The following CTNNA2 variants were observed in gnomAD, a reference collection of about 807,000 sequenced individuals.
The protein encoded by CTNNA2 is catenin alpha 2.
A neutral mutation model predicts 101.0 loss-of-function variants in CTNNA2; 42 were observed. The observed-to-expected ratio is 0.42, with a 90% CI of 0.32 to 0.54. The LOEUF is 0.54. CTNNA2 is among the 20% of genes least tolerant of loss of function. The pLI is 0.14. For missense variants in CTNNA2, 871 were observed against 1,223.1 expected, an observed-to-expected ratio of 0.71 and a Z score of 4.29; for synonymous variants, 450 against 456.4, an observed-to-expected ratio of 0.99 and a Z score of 0.18.
Position 79,850,089 on chromosome 2 carries a change from G to A in CTNNA2, c.299-7924G>A, listed in dbSNP as rs566538231. 5.4e-5 allele frequency among the ~76,000 whole-genome samples: 8 copies of A among 149,384 alleles called. No homozygotes were observed. In the South Asian group the frequency reaches 1.2e-3, roughly 23 times the overall value. ...AATCATCCCTAACATGTGACAATAA[G>A]GAGTGGTGGAGGCTGGGAATAATTG... is the stretch of plus-strand genomic sequence containing the variant. On this transcript the variant is annotated intron_variant, in intron 3 of 18. Transcript: ENST00000402739.
intron 3 of CTNNA2, among the ~76,000 whole-genome samples, chr2:79,790,395 A>G (rs982092917): frequency 6.6e-6 from 1 of 152,234 alleles, no homozygotes; most frequent in East Asian, 1.9e-4. Context: ...GCCAGTTAAG[A>G]GAATAATTGG....
chr2:80,323,823 G>A (rs1460877299), intron 7 of CTNNA2, among the ~76,000 whole-genome samples: 1 of 152,104 alleles, frequency 6.6e-6, no homozygotes, highest in East Asian at 1.9e-4. Flanking sequence ...ACCACTAGGG[G>A]TGGGTGGAGC....
chr2:80,139,085 CTCA>C (rs959416249), intron 7 of CTNNA2, among the ~76,000 whole-genome samples: 1 of 152,120 alleles, frequency 6.6e-6, no homozygotes, highest in African/African-American at 2.4e-5. Context: ...AAGTATTGTT[CTCA>C]TCATGATTAT....
intron 7 of CTNNA2, among the ~76,000 whole-genome samples, chr2:80,103,450 C>T (rs1018873216): frequency 6.6e-6 from 1 of 152,150 alleles, no homozygotes; most frequent in Non-Finnish European, 1.5e-5. Context: ...TAAGCCCTGT[C>T]CCTAAATGCA....
rs1401628983 is a variant in CTNNA2, at chr2:79,782,830, A to G, written c.298+38248A>G. On this transcript the variant is annotated intron_variant, in intron 3 of 18. Coordinates refer to ENST00000402739, the MANE Select transcript of CTNNA2 (RefSeq NM_001282597.3). ...AGGGGAAGAGTGCAAATCCATTTCC[A>G]AAAAAAAGGGAAGAAATTGACAGCC... 2.0e-5 allele frequency among the ~76,000 whole-genome samples: 3 copies of G among 151,822 alleles called. No individual in the cohort carries two copies. The South Asian group carries it at 6.2e-4, about 32-fold the overall frequency.
intron 3 of CTNNA2, among the ~76,000 whole-genome samples, chr2:79,768,315 A>G (rs1300551307): frequency 6.6e-6 from 1 of 150,612 alleles, no homozygotes; most frequent in African/African-American, 2.4e-5. Flanking sequence ...GTCTCATAGT[A>G]CCTGGTTTTA....
intron 7 of CTNNA2, among the ~76,000 whole-genome samples, chr2:80,350,010 C>T (rs1295274735): frequency 6.6e-6 from 1 of 152,080 alleles, no homozygotes; most frequent in Non-Finnish European, 1.5e-5. Context: ...TTAACAGCAA[C>T]AATAAATTCT....
chr2:79,749,929 G>A (rs985281872), intron 3 of CTNNA2, among the ~76,000 whole-genome samples: 51 of 152,186 alleles, frequency 3.4e-4, no homozygotes, highest in African/African-American at 1.2e-3. Context: ...TGATTAGTGA[G>A]CAAGTCCCGG....
intron 1 of CTNNA2, among the ~76,000 whole-genome samples, chr2:79,516,693 T>C (rs1462438452): frequency 6.6e-6 from 1 of 152,126 alleles, no homozygotes; most frequent in Non-Finnish European, 1.5e-5. Context: ...TAAAGCCCCA[T>C]CCTGAGACAT....
intron 7 of CTNNA2, among the ~76,000 whole-genome samples, chr2:80,000,821 G>A (rs1013933839): frequency 6.6e-6 from 1 of 152,184 alleles, no homozygotes; most frequent in Admixed American, 6.6e-5. Context: ...TGTTGAAAGA[G>A]AACTTAGGCT....
At chr2:80,047,191 C>T (rs940747742) in intron 7 of CTNNA2, among the ~76,000 whole-genome samples, 8 of 152,284 alleles carry the variant, frequency 5.3e-5, no homozygotes, top group African/African-American at 1.4e-4. Flanking sequence ...ATTCTGCAGG[C>T]TTACACTGTC....
At chr2:79,258,854 A>T in intron 2 of CTNNA2, among the ~76,000 whole-genome samples, 1 of 58,718 alleles carries the variant, frequency 1.7e-5, no homozygotes, top group South Asian at 4.2e-4. Context: ...CCAAAAAAAA[A>T]AAAAAAAAAA....
At chr2:79,995,337 T>C (rs1423763419) in intron 7 of CTNNA2, among the ~76,000 whole-genome samples, 1 of 152,178 alleles carries the variant, frequency 6.6e-6, no homozygotes, top group Non-Finnish European at 1.5e-5. Flanking sequence ...AATCAGTTAC[T>C]TGGGGCTTTT....
At chr2:79,821,620 C>G (rs1678011439) in intron 3 of CTNNA2, among the ~76,000 whole-genome samples, 1 of 152,064 alleles carries the variant, frequency 6.6e-6, no homozygotes, top group Admixed American at 6.6e-5. Context: ...AGAATAAAAA[C>G]AAGTATAAGA....
At chr2:80,208,361 A>G (rs1707663231) in intron 7 of CTNNA2, among the ~76,000 whole-genome samples, 1 of 152,236 alleles carries the variant, frequency 6.6e-6, no homozygotes, top group African/African-American at 2.4e-5. Context: ...AGATAGATAG[A>G]TAAGACAGAT....
intron 3 of CTNNA2, among the ~76,000 whole-genome samples, chr2:79,821,834 C>T (rs911770789): frequency 6.6e-6 from 1 of 152,154 alleles, no homozygotes; most frequent in African/African-American, 2.4e-5. Context: ...ACCTACTACA[C>T]TACATTAGAG....
intron 3 of CTNNA2, among the ~76,000 whole-genome samples, chr2:79,768,430 A>C (rs1007151668): frequency 2.6e-5 from 4 of 151,220 alleles, no homozygotes; most frequent in African/African-American, 9.7e-5. Context: ...GTTCCTTTGA[A>C]GATGTTTTCT....
chr2:80,361,795 G>A (rs1003447833), intron 7 of CTNNA2, among the ~76,000 whole-genome samples: 2 of 152,014 alleles, frequency 1.3e-5, no homozygotes, highest in Admixed American at 6.6e-5. Flanking sequence ...TCTCCATGAA[G>A]GTGGAAGAGA....
intron 7 of CTNNA2, among the ~76,000 whole-genome samples, chr2:80,313,060 A>G (rs1677754097): frequency 2.0e-5 from 3 of 152,228 alleles, no homozygotes; most frequent in Admixed American, 2.0e-4. Flanking sequence ...TCTATATTAC[A>G]TTGACATATA....
Sources: allele counts gnomAD v4.1 joint callset (sites outside exome capture counted in the v4.1 genomes callset), GRCh38; gene constraint gnomAD v4.1.1; transcripts MANE v1.5; gene names NCBI Gene and HGNC (gene_info 2026-07-23, HGNC 2026-07-21).